The following C13orf46 variants were observed in gnomAD, a reference collection of about 807,000 sequenced individuals.
C13orf46 encodes chromosome 13 open reading frame 46.
rs561553276 is a variant in C13orf46 at position 113,972,320 on chromosome 13, C to G, written c.190+1488G>C. Among the ~76,000 whole-genome samples the G allele has an allele frequency of 6.2e-4, 94 of 152,356 alleles. 1 individual carries two copies. The South Asian group carries it at 0.019, about 32-fold the overall frequency. On this transcript the variant is annotated intron_variant, in intron 1 of 6. Transcript: ENST00000636427. ...GCAGCCTCCTAACTACTCACGCCCC[C>G]CAAATAGCACATATTTGGATTTTTA...
At chr13:113,930,847 C>G in the C13orf46 span, among the ~76,000 whole-genome samples, 18 of 152,184 alleles carry the variant, frequency 1.2e-4, no homozygotes, top group Non-Finnish European at 2.1e-4. Context: ...AGCTGAGGCC[C>G]GGGTGGTCCT....
the C13orf46 span, among the ~76,000 whole-genome samples, chr13:113,935,326 C>A: frequency 6.6e-6 from 1 of 152,244 alleles, no homozygotes; most frequent in Non-Finnish European, 1.5e-5. Context: ...GGTTAGGGGC[C>A]CCTGGCCCTG....
intron 5 of C13orf46, among the ~76,000 whole-genome samples, chr13:113,966,416 ATGATG>A (rs1183620967): frequency 6.7e-6 from 1 of 149,606 alleles, no homozygotes; most frequent in Non-Finnish European, 1.5e-5. Context: ...GATGATGATG[ATGATG>A]TGATAATGAT....
intron 6 of C13orf46, among the ~76,000 whole-genome samples, chr13:113,957,794 AC>A (rs1594243442): frequency 7.8e-5 from 9 of 115,504 alleles, no homozygotes; most frequent in Admixed American, 9.6e-5. Flanking sequence ...CTCTGCCTGC[AC>A]CCCCTTTCAT....
chr13:113,957,579 G>A (rs2052548739), intron 6 of C13orf46, among the ~76,000 whole-genome samples: 1 of 115,624 alleles, frequency 8.6e-6, no homozygotes, highest in Non-Finnish European at 1.7e-5. Flanking sequence ...GCACTGGGGG[G>A]TCTCCCCTGC....
chr13:113,932,044 T>A, the C13orf46 span, among the ~76,000 whole-genome samples: 3 of 152,196 alleles, frequency 2.0e-5, no homozygotes, highest in African/African-American at 7.2e-5. Flanking sequence ...TATACTCTTA[T>A]TGCCTGACAT....
At chr13:113,926,520 C>T in the C13orf46 span, 6 of 152,294 alleles carry the variant, frequency 3.9e-5, no homozygotes, top group Non-Finnish European at 8.8e-5. Flanking sequence ...AACGTTCGCA[C>T]ACCGCGTGAT....
At chr13:113,929,801 C>T in the C13orf46 span, among the ~76,000 whole-genome samples, 1 of 152,200 alleles carries the variant, frequency 6.6e-6, no homozygotes. Flanking sequence ...CGGAGCATCC[C>T]GTGAGTTCAT....
the C13orf46 span, among the ~76,000 whole-genome samples, chr13:113,937,939 T>A: frequency 1.3e-5 from 2 of 152,162 alleles, no homozygotes; most frequent in African/African-American, 4.8e-5. Flanking sequence ...CTGTGCTTTG[T>A]CCACAAGGAA....
At chr13:113,968,123 C>A (rs2052667935) in intron 4 of C13orf46, among the ~76,000 whole-genome samples, 1 of 152,206 alleles carries the variant, frequency 6.6e-6, no homozygotes, top group Non-Finnish European at 1.5e-5. Context: ...CGTGAGAACC[C>A]CCACAGCATG....
chr13:113,934,114 T>C, the C13orf46 span, among the ~76,000 whole-genome samples: 2 of 151,604 alleles, frequency 1.3e-5, no homozygotes, highest in Non-Finnish European at 2.9e-5. Context: ...CTTTCAAGAG[T>C]GTTATGGGAA....
chr13:113,945,567 A>G, the C13orf46 span, among the ~76,000 whole-genome samples: 266 of 95,440 alleles, frequency 2.8e-3, 2 homozygotes, highest in Middle Eastern at 5.6e-3. Flanking sequence ...GAAAGAAAGA[A>G]AGAAAGAAAG....
intron 6 of C13orf46, among the ~76,000 whole-genome samples, chr13:113,961,877 C>G (rs1430789741): frequency 1.3e-5 from 2 of 152,112 alleles, no homozygotes; most frequent in Admixed American, 6.5e-5. Context: ...TCTCCATGAT[C>G]TGTGGCTACT....
intron 6 of C13orf46, among the ~76,000 whole-genome samples, chr13:113,957,866 G>A (rs1257920704): frequency 4.7e-5 from 7 of 147,518 alleles, no homozygotes; most frequent in Non-Finnish European, 1.0e-4. Flanking sequence ...AAGCGCACTG[G>A]GGGTCTCCCC....
intron 6 of C13orf46, among the ~76,000 whole-genome samples, chr13:113,961,134 A>G (rs1197669424): frequency 2.0e-5 from 3 of 152,204 alleles, no homozygotes; most frequent in Non-Finnish European, 2.9e-5. Context: ...GCAGGTTTCC[A>G]CAGAATCAAA....
At chr13:113,942,485 C>T in the C13orf46 span, among the ~76,000 whole-genome samples, 5 of 152,306 alleles carry the variant, frequency 3.3e-5, no homozygotes, top group South Asian at 2.1e-4. Context: ...CCAGGAGACT[C>T]GGCAGACACC....
Position 113,956,505 on chromosome 13 carries a change from G to C in C13orf46, c.*268C>G, listed in dbSNP as rs1262760461. 1 of 153,938 alleles carries C rather than the reference G, an allele frequency of 6.5e-6. No individual in the cohort carries two copies. Among genetic ancestry groups the C allele is most frequent in the African/African-American group, 2.4e-5 (1 of 41,428 alleles). The allele number at this position is 153,938 out of a possible 1,614,324, so 9.5% of individuals were successfully genotyped here. A position where few individuals can be genotyped will look rare whatever the true frequency, so the allele number is the denominator to read the frequency against. On this transcript the variant is annotated 3_prime_UTR_variant, in exon 7 of 7. Transcript: ENST00000636427. ...CAGTGGGCAGTGGGTTTCAGGCGTGGCTCACACCTGGTGTGGTCATCGGCA... is the reference window on the plus strand; with the variant it reads ...CAGTGGGCAGTGGGTTTCAGGCGTGCCTCACACCTGGTGTGGTCATCGGCA...
At chr13:113,966,165 GTGATGGTGATGATGA>G (rs1454172922) in intron 5 of C13orf46, among the ~76,000 whole-genome samples, 5 of 91,370 alleles carry the variant, frequency 5.5e-5, no homozygotes, top group Non-Finnish European at 1.0e-4. Context: ...GGTGATAGTG[GTGATGGTGATGATGA>G]TGATGGTGAT....
chr13:113,967,453 C>T (rs1012692049), intron 4 of C13orf46, 65 bp from the exon 5 acceptor site: 8,177 of 152,340 alleles, frequency 0.054, 664 homozygotes, highest in African/African-American at 0.18. Flanking sequence ...AACGTTGATT[C>T]CCTGGGAGGA....
Sources: gnomAD v4.1 joint callset for allele counts (sites outside exome capture counted in the v4.1 genomes callset) on GRCh38, gnomAD v4.1.1 for gene constraint, MANE v1.5 for transcripts, NCBI Gene and HGNC (gene_info 2026-07-23, HGNC 2026-07-21) for gene names.